ELP3: variants seen among roughly 807,000 people sequenced by gnomAD.
ELP3 encodes elongator complex protein 3.
In ELP3, 56 loss-of-function variants were observed where a neutral mutation model predicts 74.9. The observed-to-expected ratio is 0.75, with a 90% confidence interval of 0.60 to 0.93. ELP3 has a LOEUF of 0.93. ELP3 is among the 40% of genes least tolerant of loss of function. The pLI is 0.00. For missense variants in ELP3, 573 were observed against 686.5 expected (o/e 0.83, Z 1.85); for synonymous variants, 222 against 239.8 (o/e 0.93, Z 0.68).
At chr8:28,164,121 C>G (rs1262201093) in intron 14 of ELP3, among the ~76,000 whole-genome samples, 1 of 152,184 alleles carries the variant, frequency 6.6e-6, no homozygotes, top group Non-Finnish European at 1.5e-5. Flanking sequence ...CATCACTGCT[C>G]TACATCATTT....
chr8:28,118,465 C>G (rs1227983658), intron 7 of ELP3, among the ~76,000 whole-genome samples: 1 of 152,150 alleles, frequency 6.6e-6, no homozygotes, highest in Non-Finnish European at 1.5e-5. Flanking sequence ...ACAGAGAGTT[C>G]AAGGACAAAA....
At position 28,161,192 on chromosome 8, in the gene ELP3, A is replaced by G. The variant is rs140227365; in HGVS notation, c.1485+736A>G. ...TAATAGCTCACTTTTAAAAATTTCC[A>G]GAAAATGTGTTAAAACCTAATGGCG... On this transcript the variant is annotated intron_variant, in intron 13 of 14. Transcript: ENST00000256398. Among the ~76,000 whole-genome samples the G allele has an allele frequency of 4.3e-3, 660 of 152,348 alleles. 4 individuals are homozygous for G. Among genetic ancestry groups the G allele is most frequent in the African/African-American group, 0.015 (612 of 41,586 alleles).
upstream of ELP3, chr8:28,092,782 G>A (rs1260394833): frequency 8.8e-6 from 2 of 228,120 alleles, no homozygotes; most frequent in African/African-American, 2.3e-5. Flanking sequence ...TCGCCCATTC[G>A]CGTTCCCACC....
At chr8:28,104,961 CTA>C (rs2130370794) in intron 3 of ELP3, among the ~76,000 whole-genome samples, 1 of 152,298 alleles carries the variant, frequency 6.6e-6, no homozygotes, top group East Asian at 1.9e-4. Context: ...TCATCTGTTA[CTA>C]TTTATTTTGA....
At chr8:28,113,952 T>C (rs1055318151) in intron 7 of ELP3, 1 of 152,110 alleles carries the variant, frequency 6.6e-6, no homozygotes, top group Non-Finnish European at 1.5e-5. Flanking sequence ...ATTTAGTCAT[T>C]TTGAATTCTA....
At chr8:28,182,315 G>A (rs965551868) in intron 14 of ELP3, among the ~76,000 whole-genome samples, 1 of 152,094 alleles carries the variant, frequency 6.6e-6, no homozygotes, top group Non-Finnish European at 1.5e-5. Context: ...ATCCCAGCAC[G>A]TTGGGAGGCT....
intron 3 of ELP3, among the ~76,000 whole-genome samples, chr8:28,105,670 A>G (rs1323520831): frequency 6.6e-6 from 1 of 152,218 alleles, no homozygotes; most frequent in African/African-American, 2.4e-5. Context: ...TCAGTCTACC[A>G]TATGTTGAAC....
chr8:28,125,000 A>G (rs1812516417), intron 7 of ELP3, among the ~76,000 whole-genome samples: 1 of 152,234 alleles, frequency 6.6e-6, no homozygotes, highest in Non-Finnish European at 1.5e-5. Context: ...CCTCAAGCAC[A>G]TCAAACATCC....
At chr8:28,090,338 T>C, upstream of ELP3, 1 of 384,578 alleles carries the variant, frequency 2.6e-6, no homozygotes. Context: ...GTCTGGTGAG[T>C]GTAGTGCCCA....
At chr8:28,181,030 T>G (rs996623664) in intron 14 of ELP3, among the ~76,000 whole-genome samples, 1 of 152,138 alleles carries the variant, frequency 6.6e-6, no homozygotes, top group Non-Finnish European at 1.5e-5. Context: ...GCCCCCAGTA[T>G]CTCACGTGCC....
chr8:28,137,978 GT>G (rs1813061133), intron 10 of ELP3, 87 bp downstream of exon 10: 1 of 1,266,366 alleles, frequency 7.9e-7, no homozygotes, highest in Non-Finnish European at 1.1e-6. Flanking sequence ...CATATTGAGG[GT>G]TTTGGATTTT....
intron 2 of ELP3, 112 bp downstream of exon 2, chr8:28,097,430 T>A: frequency 1.5e-6 from 1 of 684,286 alleles, no homozygotes; most frequent in Non-Finnish European, 2.4e-6. Flanking sequence ...TTGAGAATTT[T>A]AGCTTTCTGC....
intron 14 of ELP3, among the ~76,000 whole-genome samples, chr8:28,173,534 GA>G (rs920917177): frequency 5.4e-5 from 8 of 148,376 alleles, no homozygotes; most frequent in African/African-American, 2.0e-4. Flanking sequence ...TCTTTTCAAA[GA>G]ATGAACTTTT....
intron 3 of ELP3, among the ~76,000 whole-genome samples, chr8:28,101,449 A>G (rs552819364): frequency 1.3e-5 from 2 of 152,274 alleles, no homozygotes; most frequent in Admixed American, 6.5e-5. Context: ...CTTGTTAAGA[A>G]AAACTAATAG....
rs556891071 is a variant in ELP3 at position 28,147,942 on chromosome 8, A to C, written c.1101-8000A>C. ...ATGCATACCCACTGGCAAAAATCTA[A>C]TGTCAGCAACAAAATAAATAATGTT... On this transcript the variant is annotated intron_variant, in intron 10 of 14. Transcript: ENST00000256398. This position sits in a 1 kb window ranked among gnomAD's most constrained non-coding sequence, Gnocchi z 4.5. Among the ~76,000 whole-genome samples, 5 of 152,320 alleles carry C rather than the reference A, an allele frequency of 3.3e-5. No individual in the cohort carries two copies. In the East Asian group the frequency reaches 9.6e-4, roughly 29 times the overall value.
chr8:28,143,120 T>C (rs2130499966), intron 10 of ELP3, among the ~76,000 whole-genome samples: 2 of 152,366 alleles, frequency 1.3e-5, no homozygotes, highest in Middle Eastern at 3.4e-3. Flanking sequence ...ACTTGCTTTT[T>C]ATTCTTAACA....
At chr8:28,186,604 GA>G in intron 14 of ELP3, among the ~76,000 whole-genome samples, 1 of 152,316 alleles carries the variant, frequency 6.6e-6, no homozygotes, top group East Asian at 1.9e-4. Context: ...TTTGGAGGCT[GA>G]AAAGTCCAAG....
chr8:28,111,767 A>G (rs1811926269), intron 6 of ELP3, among the ~76,000 whole-genome samples: 1 of 152,256 alleles, frequency 6.6e-6, no homozygotes, highest in East Asian at 1.9e-4. Flanking sequence ...ATGAACATAG[A>G]GCAGTGATTC....
Position 28,100,020 on chromosome 8 carries a change from A to C in ELP3, c.258+54A>C, listed in dbSNP as rs537532013. On this transcript the variant is annotated intron_variant, in intron 3 of 14. Transcript: ENST00000256398. ...CACACTGGGTATCTGTTCTGGCAGA[A>C]GTCCCTGCTCCATGTGACGCCCGTG... is the stretch of plus-strand genomic sequence containing the variant. 4.9e-5 allele frequency: 79 copies of C among 1,611,688 alleles called. No individual in the cohort carries two copies. In the African/African-American group the frequency reaches 9.9e-4, roughly 20 times the overall value.
Sources: gnomAD v4.1 joint callset for allele counts (sites outside exome capture counted in the v4.1 genomes callset) on GRCh38, gnomAD v4.1.1 for gene constraint, Gnocchi (gnomAD v3.1) non-coding constraint, MANE v1.5 for transcripts, NCBI Gene and HGNC (gene_info 2026-07-23, HGNC 2026-07-21) for gene names.